Variants in IMMP2L observed in about 807,000 individuals in gnomAD.
IMMP2L encodes the protein inner mitochondrial membrane peptidase subunit 2.
A neutral mutation model predicts 19.3 loss-of-function variants in IMMP2L; 18 were observed. The ratio of observed to expected loss-of-function variants is 0.93; its 90% CI spans 0.64 to 1.38. The LOEUF (loss-of-function observed/expected upper bound fraction) is 1.38. IMMP2L is among the 40% of genes most tolerant of loss of function. The pLI is 0.00. For missense variants in IMMP2L, 233 were observed against 218.2 expected (o/e 1.07, Z -0.43); for synonymous variants, 76 against 73.0 (o/e 1.04, Z -0.21).
At chr7:111,055,241 G>T (rs1793399943) in intron 3 of IMMP2L, among the ~76,000 whole-genome samples, 1 of 151,916 alleles carries the variant, frequency 6.6e-6, no homozygotes, top group South Asian at 2.1e-4. Flanking sequence ...GTCCCGCAAC[G>T]TTCACCAGGC....
chr7:110,685,215 G>C (rs1793029985), intron 5 of IMMP2L, among the ~76,000 whole-genome samples: 1 of 152,092 alleles, frequency 6.6e-6, no homozygotes, highest in Non-Finnish European at 1.5e-5. Flanking sequence ...AACAGGAGTG[G>C]AGTGAGCATC....
chr7:110,968,013 T>C (rs1158942994), intron 3 of IMMP2L, among the ~76,000 whole-genome samples: 2 of 152,074 alleles, frequency 1.3e-5, no homozygotes, highest in Non-Finnish European at 2.9e-5. Flanking sequence ...CATTCTCTAT[T>C]ACCCAAATTT....
At chr7:110,832,411 C>T (rs938983860) in intron 5 of IMMP2L, among the ~76,000 whole-genome samples, 3 of 152,068 alleles carry the variant, frequency 2.0e-5, no homozygotes, top group African/African-American at 7.2e-5. Flanking sequence ...TCAGGACGTC[C>T]CAGTATGTGA....
At chr7:110,993,943 C>T (rs1156713923) in intron 3 of IMMP2L, among the ~76,000 whole-genome samples, 1 of 152,034 alleles carries the variant, frequency 6.6e-6, no homozygotes, top group Non-Finnish European at 1.5e-5. Context: ...TCCAGTGTCT[C>T]TCATGCCTGT....
intron 3 of IMMP2L, among the ~76,000 whole-genome samples, chr7:111,283,197 CCTA>C (rs1820094948): frequency 6.6e-6 from 1 of 152,080 alleles, no homozygotes; most frequent in African/African-American, 2.4e-5. Context: ...TAGAAATTAA[CCTA>C]CTCCTATGTA....
intron 3 of IMMP2L, among the ~76,000 whole-genome samples, chr7:111,329,188 A>AG (rs763114719): frequency 2.6e-5 from 4 of 151,838 alleles, no homozygotes; most frequent in Admixed American, 1.3e-4. Context: ...ATTAATAGAG[A>AG]GGATTCTAGG....
chr7:111,321,114 G>C (rs918750234), intron 3 of IMMP2L, among the ~76,000 whole-genome samples: 9 of 151,968 alleles, frequency 5.9e-5, no homozygotes, highest in Non-Finnish European at 1.3e-4. Flanking sequence ...CTAAGAGTTT[G>C]TCATAAATTT....
chr7:111,538,761 G>C (rs1848131290), intron 1 of IMMP2L, among the ~76,000 whole-genome samples: 3 of 141,794 alleles, frequency 2.1e-5, no homozygotes, highest in Non-Finnish European at 4.5e-5. Flanking sequence ...AGTGAGCTCT[G>C]ATCACACCAC....
chr7:110,819,649 T>C (rs1005671633), intron 5 of IMMP2L, among the ~76,000 whole-genome samples: 3 of 152,024 alleles, frequency 2.0e-5, no homozygotes, highest in South Asian at 4.1e-4. Context: ...TGAATTCTTT[T>C]AGCAAATTAG....
chr7:111,317,587 A>G (rs1487086854), intron 3 of IMMP2L, among the ~76,000 whole-genome samples: 1 of 152,058 alleles, frequency 6.6e-6, no homozygotes, highest in African/African-American at 2.4e-5. Flanking sequence ...TTAAAGGCAA[A>G]TTTTCTTAGC....
intron 4 of IMMP2L, among the ~76,000 whole-genome samples, chr7:110,944,509 G>A (rs1817055315): frequency 6.6e-6 from 1 of 151,954 alleles, no homozygotes; most frequent in Non-Finnish European, 1.5e-5. Context: ...AACAGAGAGA[G>A]ACAGAGAGAG....
chr7:110,987,937 C>T (rs974093369), intron 3 of IMMP2L, among the ~76,000 whole-genome samples: 3 of 152,006 alleles, frequency 2.0e-5, no homozygotes, highest in Non-Finnish European at 2.9e-5. Flanking sequence ...CTCATTATCC[C>T]GTTATCAATT....
chr7:111,086,482 T>C (rs913633200), intron 3 of IMMP2L, among the ~76,000 whole-genome samples: 2 of 151,920 alleles, frequency 1.3e-5, no homozygotes, highest in Non-Finnish European at 2.9e-5. Flanking sequence ...ACAAAACCTA[T>C]AGGTAAATAA....
chr7:111,377,265 GTGTA>G lies in IMMP2L; in HGVS notation c.239+109969_239+109972del, dbSNP rs1268875856. On this transcript the variant is annotated intron_variant, in intron 3 of 5. Coordinates refer to ENST00000405709, the MANE Select transcript of IMMP2L (RefSeq NM_032549.4). Reference sequence around the variant, plus strand: ...TATGTAAATATATATATGTGTGTATGTGTATGTGTGTATGCGTTCATATATATAA... The same window carrying G: ...TATGTAAATATATATATGTGTGTATGTGTGTGTATGCGTTCATATATATAA... Among the ~76,000 whole-genome samples the G allele has an allele frequency of 2.0e-5, 3 of 151,752 alleles. No individual in the cohort carries two copies. The East Asian group carries it at 5.8e-4, about 29-fold the overall frequency.
intron 5 of IMMP2L, among the ~76,000 whole-genome samples, chr7:110,706,354 T>A (rs2130682391): frequency 6.6e-6 from 1 of 152,288 alleles, no homozygotes; most frequent in Non-Finnish European, 1.5e-5. Flanking sequence ...TCCTTCCACC[T>A]TGGTTTCCCA....
Position 110,857,452 on chromosome 7 carries a change from T to A in IMMP2L, c.408+29141A>T, listed in dbSNP as rs1297614509. 2.6e-4 allele frequency among the ~76,000 whole-genome samples: 39 copies of A among 152,038 alleles called. 1 individual carries two copies. The highest frequency in any genetic ancestry group is 2.6e-3 in the Admixed American group (39 of 15,216). ...TATTCTATCTGATTCCTAAGAAAAA[T>A]TTGACTAACATAAAAGACATATGAA... On this transcript the variant is annotated intron_variant, in intron 5 of 5. Coordinates refer to ENST00000405709, the MANE Select transcript of IMMP2L (RefSeq NM_032549.4).
At chr7:111,242,124 A>G (rs1401291708) in intron 3 of IMMP2L, among the ~76,000 whole-genome samples, 1 of 152,104 alleles carries the variant, frequency 6.6e-6, no homozygotes, top group Non-Finnish European at 1.5e-5. Flanking sequence ...AGAAAATAGA[A>G]TATTAGTTTC....
At chr7:110,666,696 G>T (rs773628322) in intron 5 of IMMP2L, among the ~76,000 whole-genome samples, 1 of 151,928 alleles carries the variant, frequency 6.6e-6, no homozygotes, top group Admixed American at 6.6e-5. Context: ...CTCACCTTCC[G>T]CACTCCATAT....
At position 110,705,197 on chromosome 7, in the gene IMMP2L, A is replaced by G. The variant is rs561486564; in HGVS notation, c.409-41476T>C. Among the ~76,000 whole-genome samples the G allele has an allele frequency of 2.4e-4, 36 of 152,306 alleles. 2 individuals are homozygous for G. In the South Asian group the frequency reaches 7.5e-3, roughly 32 times the overall value. ...TGTCTTTCATTCATGATGATCCATTACCAAAGATAATCAAGAGTTGGCTAA... is the reference window on the plus strand; with the variant it reads ...TGTCTTTCATTCATGATGATCCATTGCCAAAGATAATCAAGAGTTGGCTAA... On this transcript the variant is annotated intron_variant, in intron 5 of 5. Coordinates refer to ENST00000405709, the MANE Select transcript of IMMP2L (RefSeq NM_032549.4).
Sources: gnomAD v4.1 joint callset for allele counts (sites outside exome capture counted in the v4.1 genomes callset) on GRCh38, gnomAD v4.1.1 for gene constraint, MANE v1.5 for transcripts, NCBI Gene and HGNC (gene_info 2026-07-23, HGNC 2026-07-21) for gene names.